CASK: variants seen among roughly 807,000 people sequenced by gnomAD.
The protein encoded by CASK is peripheral plasma membrane protein CASK.
In CASK, 4 loss-of-function variants were observed where a neutral mutation model predicts 82.9. The ratio of observed to expected loss-of-function variants is 0.05; its 90% CI spans 0.02 to 0.11. CASK has a LOEUF of 0.11. CASK is among the 10% of genes least tolerant of loss of function. The pLI is 1.00. For synonymous variants in CASK, 259 were observed against 253.5 expected, an observed-to-expected ratio of 1.02 and a Z score of -0.20; for missense variants, 358 against 720.9, an observed-to-expected ratio of 0.50 and a Z score of 5.76.
At chrX:41,554,916 C>A (rs1166570181) in intron 20 of CASK, among the ~76,000 whole-genome samples, 1 of 111,808 alleles carries the variant, frequency 8.9e-6, no homozygotes, top group Non-Finnish European at 1.9e-5. Context: ...ATGTTTAAGT[C>A]ACTGTAAAAC....
At chrX:41,878,168 A>G (rs2071868909) in intron 1 of CASK, among the ~76,000 whole-genome samples, 1 of 105,446 alleles carries the variant, frequency 9.5e-6, no homozygotes, top group Non-Finnish European at 2.0e-5. Context: ...AATATTCTTA[A>G]AAAAAAAAAA....
At chrX:41,525,146 A>G (rs1451406566) in intron 25 of CASK, among the ~76,000 whole-genome samples, 7 of 111,257 alleles carry the variant, frequency 6.3e-5, no homozygotes, top group Non-Finnish European at 1.3e-4. Flanking sequence ...GATCTTTCTG[A>G]AATTCAAAAC....
At chrX:41,559,938 G>A (rs1022304396) in intron 17 of CASK, 91 bp from the exon 18 acceptor site, 44 of 722,604 alleles carry the variant, frequency 6.1e-5, no homozygotes, top group Non-Finnish European at 8.7e-5. Flanking sequence ...ACACATGGGG[G>A]CAATTAGCAC....
chrX:41,643,123 G>A (rs1367901128), intron 8 of CASK, among the ~76,000 whole-genome samples: 1 of 110,136 alleles, frequency 9.1e-6, no homozygotes, highest in East Asian at 2.8e-4. Context: ...GTTTTGGTAC[G>A]AGTACCATGC....
intron 22 of CASK, among the ~76,000 whole-genome samples, chrX:41,541,225 T>C (rs2064942708): frequency 8.9e-6 from 1 of 112,117 alleles, no homozygotes. Context: ...TGCATTTCTA[T>C]TTAGTTTATT....
chrX:41,534,324 G>C (rs1180242272), intron 24 of CASK, among the ~76,000 whole-genome samples: 1 of 108,256 alleles, frequency 9.2e-6, no homozygotes, highest in Non-Finnish European at 1.9e-5. Context: ...AATTCATCTA[G>C]GTAATGTGTA....
At chrX:41,574,094 G>A (rs2065453634) in intron 15 of CASK, among the ~76,000 whole-genome samples, 1 of 111,006 alleles carries the variant, frequency 9.0e-6, no homozygotes, top group Non-Finnish European at 1.9e-5. Flanking sequence ...TATTAGACAT[G>A]CACTGATCGA....
chrX:41,723,436 A>G (rs1051340657), intron 5 of CASK, among the ~76,000 whole-genome samples: 3 of 112,040 alleles, frequency 2.7e-5, no homozygotes, highest in Non-Finnish European at 3.8e-5. Flanking sequence ...TTATTTTTAA[A>G]ATTTTTATTG....
chrX:41,533,114 A>AACTT (rs1413532443), intron 24 of CASK, among the ~76,000 whole-genome samples: 4 of 111,889 alleles, frequency 3.6e-5, no homozygotes, highest in African/African-American at 1.3e-4. Context: ...CCCAGCCAAG[A>AACTT]ACTTACATAA....
chrX:41,745,405 G>T, intron 4 of CASK, 119 bp downstream of exon 4: 1 of 548,235 alleles, frequency 1.8e-6, no homozygotes, highest in Admixed American at 2.7e-5. Flanking sequence ...CTAAAACAGA[G>T]ATGTTCCCTG....
At chrX:41,550,267 G>A (rs190997859) in intron 21 of CASK, among the ~76,000 whole-genome samples, 2 of 111,984 alleles carry the variant, frequency 1.8e-5, no homozygotes, top group Admixed American at 1.9e-4. Context: ...TTATGTAAAT[G>A]GAATCATATA....
At chrX:41,652,094 A>G (rs192041743) in intron 8 of CASK, among the ~76,000 whole-genome samples, 5 of 111,250 alleles carry the variant, frequency 4.5e-5, no homozygotes, top group Non-Finnish European at 9.4e-5. Context: ...TGGTGAGGGA[A>G]CAAGCCATGA....
At chrX:41,812,548 T>G (rs1479607406) in intron 2 of CASK, among the ~76,000 whole-genome samples, 1 of 111,560 alleles carries the variant, frequency 9.0e-6, no homozygotes, top group Non-Finnish European at 1.9e-5. Flanking sequence ...CAGCCCTTCA[T>G]GCTAAAAACT....
chrX:41,885,183 T>C, intron 1 of CASK, among the ~76,000 whole-genome samples: 1 of 112,059 alleles, frequency 8.9e-6, no homozygotes, highest in African/African-American at 3.2e-5. Flanking sequence ...ATTAGGGCAC[T>C]CTCTGCCAAT....
intron 2 of CASK, among the ~76,000 whole-genome samples, chrX:41,813,650 C>T (rs1368220201): frequency 9.0e-6 from 1 of 111,470 alleles, no homozygotes; most frequent in Non-Finnish European, 1.9e-5. Flanking sequence ...TAGAAGAAAA[C>T]CTAGGCAATA....
intron 5 of CASK, among the ~76,000 whole-genome samples, chrX:41,725,569 T>C (rs1459982580): frequency 1.8e-5 from 2 of 111,761 alleles, no homozygotes; most frequent in African/African-American, 6.5e-5. Flanking sequence ...ATAGAGATCA[T>C]GGTTCTTATT....
chrX:41,637,722 C>G (rs938682143), intron 8 of CASK, among the ~76,000 whole-genome samples: 3 of 110,622 alleles, frequency 2.7e-5, no homozygotes, highest in Non-Finnish European at 5.7e-5. Context: ...TGGCTCACCA[C>G]AGCCTCGACC....
intron 15 of CASK, among the ~76,000 whole-genome samples, chrX:41,573,075 CTTT>C (rs147599527): frequency 5.7e-5 from 5 of 87,929 alleles, no homozygotes; most frequent in Admixed American, 2.6e-4. Flanking sequence ...TTTCTTTTTT[CTTT>C]TTTTTTTTTT....
chrX:41,750,153 T>C (rs1231858615), intron 3 of CASK, among the ~76,000 whole-genome samples: 1 of 112,096 alleles, frequency 8.9e-6, no homozygotes, highest in East Asian at 2.8e-4. Flanking sequence ...ATAATATTAA[T>C]TGATATTAAA....
Sources: gnomAD v4.1 joint callset for allele counts (sites outside exome capture counted in the v4.1 genomes callset) on GRCh38, gnomAD v4.1.1 for gene constraint, MANE v1.5 for transcripts, NCBI Gene and HGNC (gene_info 2026-07-23, HGNC 2026-07-21) for gene names.